FAM117B: variants seen among roughly 807,000 people sequenced by gnomAD.
The protein encoded by FAM117B is protein FAM117B.
Under a neutral mutation model 52.8 loss-of-function variants are expected in FAM117B, and 22 were observed. That is an observed-to-expected ratio of 0.42 (90% CI 0.30 to 0.59). The LOEUF (loss-of-function observed/expected upper bound fraction) is 0.59, where lower values mean the gene tolerates loss of function less well. FAM117B is among the 20% of genes least tolerant of loss of function. The pLI, the probability that FAM117B is intolerant of heterozygous loss-of-function variation, is 0.22. For missense variants in FAM117B, 678 were observed against 802.6 expected, an observed-to-expected ratio of 0.84 and a Z score of 1.88; for synonymous variants, 309 against 324.1, an observed-to-expected ratio of 0.95 and a Z score of 0.50.
intron 2 of FAM117B, among the ~76,000 whole-genome samples, chr2:202,696,412 G>T (rs1469479452): frequency 1.3e-5 from 2 of 152,024 alleles, no homozygotes; most frequent in Admixed American, 1.3e-4. Flanking sequence ...ACACTAATGA[G>T]CTTAAAAAAA....
At chr2:202,762,169 A>G (rs1691900122) in intron 7 of FAM117B, among the ~76,000 whole-genome samples, 1 of 152,226 alleles carries the variant, frequency 6.6e-6, no homozygotes, top group Non-Finnish European at 1.5e-5. Flanking sequence ...AGCTTTAGCC[A>G]TTCTTTTAAG....
intron 1 of FAM117B, among the ~76,000 whole-genome samples, chr2:202,644,139 T>C (rs1421101734): frequency 6.7e-6 from 1 of 148,358 alleles, no homozygotes; most frequent in Non-Finnish European, 1.5e-5. Context: ...CACTTAATTC[T>C]CTAATCACCA....
intron 1 of FAM117B, among the ~76,000 whole-genome samples, chr2:202,661,842 G>C (rs1309771345): frequency 6.6e-6 from 1 of 151,726 alleles, no homozygotes; most frequent in Non-Finnish European, 1.5e-5. Context: ...CTTGAACCCG[G>C]GAGGCGGAGG....
intron 2 of FAM117B, among the ~76,000 whole-genome samples, chr2:202,706,609 G>T (rs547693887): frequency 5.3e-5 from 8 of 152,230 alleles, no homozygotes; most frequent in African/African-American, 1.9e-4. Context: ...TGTTTTCTTT[G>T]AATTGAAAGA....
Position 202,635,482 on chromosome 2 carries a change from G to A in FAM117B, c.295G>A (p.Gly99Arg), listed in dbSNP as rs1689666226. ...CAGCACCAGCCCCACGCGCGGCGGC[G>A]GGAACGCGGCCGCGCGCACCAGCCC... Reference protein sequence around the residue: ...SRSTSPTRGGGNAAARTSPTV... With the variant: ...SRSTSPTRGGRNAAARTSPTV... Residue 99 changes from glycine (G) to arginine (R), a missense_variant, in exon 1 of 8, where the codon GGG becomes AGG. This residue lies in a region of FAM117B where 583 missense variants were observed against 644.8 expected (regional missense o/e 0.90). Transcript: ENST00000392238. The A allele has an allele frequency of 9.6e-7, 1 of 1,040,168 alleles. No homozygotes were observed. The highest frequency in any genetic ancestry group is 8.5e-5 in the East Asian group (1 of 11,708). The allele number at this position is 1,040,168 out of a possible 1,614,324, so 64.4% of individuals were successfully genotyped here.
At chr2:202,698,169 G>A (rs1690742358) in intron 2 of FAM117B, among the ~76,000 whole-genome samples, 1 of 152,194 alleles carries the variant, frequency 6.6e-6, no homozygotes. Context: ...CCAGCCCTGA[G>A]AGAATGTTTA....
intron 1 of FAM117B, among the ~76,000 whole-genome samples, chr2:202,672,342 C>T (rs928579347): frequency 2.6e-5 from 4 of 152,024 alleles, no homozygotes; most frequent in Non-Finnish European, 4.4e-5. Flanking sequence ...CCTCCTGAGT[C>T]GCTGGGGTTA....
intron 7 of FAM117B, among the ~76,000 whole-genome samples, chr2:202,760,279 G>C (rs13395878): frequency 0.5 from 76,036 of 151,988 alleles, 19,564 homozygotes; most frequent in Middle Eastern, 0.62. Context: ...TTGAATTTAG[G>C]GGTATATAGG....
chr2:202,655,514 G>GTGTTC (rs1428306012), intron 1 of FAM117B, among the ~76,000 whole-genome samples: 1 of 152,112 alleles, frequency 6.6e-6, no homozygotes. Context: ...TTGGTTTGTA[G>GTGTTC]TGTTCTGTTC....
chr2:202,711,861 G>A (rs1157556128), intron 2 of FAM117B, among the ~76,000 whole-genome samples: 3 of 152,066 alleles, frequency 2.0e-5, no homozygotes, highest in Non-Finnish European at 4.4e-5. Context: ...GTAGATGTAT[G>A]GATTTATCTC....
chr2:202,715,603 C>A (rs2105783786), intron 2 of FAM117B, among the ~76,000 whole-genome samples: 1 of 151,110 alleles, frequency 6.6e-6, no homozygotes, highest in South Asian at 2.1e-4. Context: ...CCAGACTGGG[C>A]AGCCAGGCAG....
chr2:202,673,598 C>G (rs980225983), intron 1 of FAM117B, among the ~76,000 whole-genome samples: 1 of 151,698 alleles, frequency 6.6e-6, no homozygotes, highest in Non-Finnish European at 1.5e-5. Flanking sequence ...CAGTTGCCTA[C>G]CACCACACCC....
At chr2:202,758,099 A>G (rs1361488757) in intron 6 of FAM117B, among the ~76,000 whole-genome samples, 1 of 152,208 alleles carries the variant, frequency 6.6e-6, no homozygotes, top group African/African-American at 2.4e-5. Flanking sequence ...AGCAATAATA[A>G]TGACATTTAT....
chr2:202,652,050 T>C (rs866196411), intron 1 of FAM117B, among the ~76,000 whole-genome samples: 26 of 134,936 alleles, frequency 1.9e-4, no homozygotes, highest in Non-Finnish European at 3.1e-4. Flanking sequence ...TGAAACTCTG[T>C]CTAAAAAAAA....
chr2:202,676,938 C>T (rs777660657), intron 1 of FAM117B, among the ~76,000 whole-genome samples: 3 of 151,938 alleles, frequency 2.0e-5, no homozygotes, highest in Non-Finnish European at 2.9e-5. Flanking sequence ...TGTTGAAAAA[C>T]GGAGGAAGGA....
chr2:202,764,359 G>A (rs1336912909), intron 7 of FAM117B, among the ~76,000 whole-genome samples: 2 of 152,028 alleles, frequency 1.3e-5, no homozygotes, highest in South Asian at 2.1e-4. Flanking sequence ...CCACCTCCCA[G>A]GGCCAAGCTA....
In FAM117B at chr2:202,741,051, A is replaced by G. The variant is rs181138472; in HGVS notation, c.961-14487A>G. ...GAGGAACAAGGCAAGGATTCTTACC[A>G]TCCCTACTTCTGTTTACATTGTACT... is the stretch of plus-strand genomic sequence containing the variant. On this transcript the variant is annotated intron_variant, in intron 4 of 7. Transcript: ENST00000392238. 1.7e-3 allele frequency among the ~76,000 whole-genome samples: 265 copies of G among 152,312 alleles called. 1 individual carries two copies. The highest frequency in any genetic ancestry group is 6.8e-3 in the Middle Eastern group (2 of 294).
Position 202,635,599 on chromosome 2 carries a change from C to T in FAM117B, c.412C>T (p.Pro138Ser). ...CGCGCCTGGAGCTCGCGGGAGCCCC[C>T]CACGGCCGCCGCCGCCGCCGCCGCT... ...SAAPGARGSP[P>S]RPPPPPPLLG... Residue 138 changes from proline to serine, a missense_variant, in exon 1 of 8, where the codon CCA (proline) becomes TCA (serine). Around this residue, in one of 3 missense-constraint regions of FAM117B, gnomAD observed 583 missense variants for 644.8 expected, o/e 0.90. Transcript: ENST00000392238. The T allele has an allele frequency of 7.8e-7, 1 of 1,281,072 alleles. No individual in the cohort carries two copies. Among genetic ancestry groups the T allele is most frequent in the African/African-American group, 1.6e-5 (1 of 63,954 alleles). 79.4% of individuals were successfully genotyped at this position (1,281,072 alleles called of 1,614,324 possible).
intron 1 of FAM117B, among the ~76,000 whole-genome samples, chr2:202,694,097 C>T (rs1341293067): frequency 6.6e-6 from 1 of 150,586 alleles, no homozygotes; most frequent in Non-Finnish European, 1.5e-5. Context: ...ATTATTAAAT[C>T]ATGTATGAGG....
Sources: allele counts gnomAD v4.1 joint callset (sites outside exome capture counted in the v4.1 genomes callset), GRCh38; gene constraint gnomAD v4.1.1; regional missense constraint gnomAD v4.1.1; transcripts MANE v1.5; gene names NCBI Gene and HGNC (gene_info 2026-07-23, HGNC 2026-07-21).